The following NFIB variants were observed in gnomAD, a reference collection of about 807,000 sequenced individuals.
NFIB encodes nuclear factor I B, also known as nuclear factor 1 B-type.
In NFIB, 11 loss-of-function variants were observed where a neutral mutation model predicts 61.5. That is an observed-to-expected ratio of 0.18 (90% CI 0.11 to 0.30). The LOEUF (loss-of-function observed/expected upper bound fraction) is 0.30, where lower values mean the gene tolerates loss of function less well. Ranked by LOEUF, NFIB falls within the 10% of genes least tolerant of loss-of-function variation. The probability of loss-of-function intolerance (pLI) is 1.00; values close to 1 mark genes in which losing one functional copy is unlikely to be tolerated. For synonymous variants in NFIB, 260 were observed against 216.5 expected (o/e 1.20, Z -1.76); for missense variants, 471 against 608.9 (o/e 0.77, Z 2.38).
intron 8 of NFIB, among the ~76,000 whole-genome samples, chr9:14,116,561 C>G (rs2038175373): frequency 6.6e-6 from 1 of 152,224 alleles, no homozygotes; most frequent in African/African-American, 2.4e-5. Flanking sequence ...CAAAGCACGT[C>G]ATGGTATAGG....
At chr9:14,125,589 C>T in intron 7 of NFIB, 43 bp downstream of exon 7, 3 of 1,610,226 alleles carry the variant, frequency 1.9e-6, no homozygotes, top group Non-Finnish European at 2.5e-6. Context: ...TTAGGCCCTA[C>T]AGACAAGAAG....
At chr9:14,124,016 C>T (rs1337463422) in intron 7 of NFIB, among the ~76,000 whole-genome samples, 1 of 151,986 alleles carries the variant, frequency 6.6e-6, no homozygotes. Context: ...AGATTAGATG[C>T]CCAGCCAATG....
At position 14,306,793 on chromosome 9, in the gene NFIB, C is replaced by T. The variant is rs557348589; in HGVS notation, c.562+196G>A. Among the ~76,000 whole-genome samples the T allele has an allele frequency of 3.9e-5, 6 of 152,208 alleles. No individual in the cohort carries two copies. In the East Asian group the frequency reaches 7.7e-4, roughly 20 times the overall value. On this transcript the variant is annotated intron_variant, in intron 2 of 10. Coordinates refer to ENST00000380953, the MANE Select transcript of NFIB (RefSeq NM_001190737.2). ...TTAAATATCCAAGCCTATCCAGGTACGAAAGCTCTGTGTCTATTTACATGG... is the reference window on the plus strand; with the variant it reads ...TTAAATATCCAAGCCTATCCAGGTATGAAAGCTCTGTGTCTATTTACATGG...
chr9:14,331,215 G>A (rs1313962688), intron 1 of NFIB, among the ~76,000 whole-genome samples: 1 of 152,120 alleles, frequency 6.6e-6, no homozygotes, highest in African/African-American at 2.4e-5. Context: ...TTAAAGACGA[G>A]GCACTGGAGG....
At chr9:14,480,054 T>G in the NFIB span, among the ~76,000 whole-genome samples, 1 of 151,946 alleles carries the variant, frequency 6.6e-6, no homozygotes, top group Non-Finnish European at 1.5e-5. Flanking sequence ...TTTTGTTTTT[T>G]GTTTTTTTTA....
chr9:14,520,613 G>A, the NFIB span, among the ~76,000 whole-genome samples: 109,104 of 152,084 alleles, frequency 0.72, 39,521 homozygotes, highest in Admixed American at 0.77. Context: ...TCTAAACACA[G>A]GAATCTGAAG....
chr9:14,116,277 G>T lies in NFIB; in HGVS notation c.1315C>A (p.His439Asn). Residue 439 changes from histidine to asparagine, a missense_variant, in exon 9 of 11, where the codon CAT (histidine) becomes AAT (asparagine). Coordinates refer to ENST00000380953, the MANE Select transcript of NFIB (RefSeq NM_001190737.2). ...GTCACAGGTCGCACTGCACTGGGATGGGGAGAGGGTGCCAAGACAGGAGTG... is the reference window on the plus strand; with the variant it reads ...GTCACAGGTCGCACTGCACTGGGATTGGGAGAGGGTGCCAAGACAGGAGTG... ...HFTPVLAPSP[H>N]PSAVRPVTLS... The T allele has an allele frequency of 6.5e-7, 1 of 1,538,196 alleles. No individual in the cohort carries two copies. Among genetic ancestry groups the T allele is most frequent in the African/African-American group, 1.4e-5 (1 of 72,900 alleles).
At chr9:14,354,579 T>C (rs1041494853) in intron 1 of NFIB, among the ~76,000 whole-genome samples, 1 of 152,164 alleles carries the variant, frequency 6.6e-6, no homozygotes, top group African/African-American at 2.4e-5. Flanking sequence ...TGGGTTTCCA[T>C]TGAAATTTAG....
At chr9:14,173,325 C>A (rs1393562298) in intron 3 of NFIB, among the ~76,000 whole-genome samples, 5 of 152,136 alleles carry the variant, frequency 3.3e-5, no homozygotes, top group Non-Finnish European at 7.4e-5. Context: ...CTCCACCATG[C>A]CACCTACAAT....
chr9:14,146,643 C>T (rs1193793700), intron 6 of NFIB, 46 bp downstream of exon 6: 1 of 1,611,860 alleles, frequency 6.2e-7, no homozygotes, highest in Non-Finnish European at 8.5e-7. Flanking sequence ...AAGAAACGAG[C>T]CAACATTTTA....
chr9:14,140,814 G>C (rs1031238288), intron 6 of NFIB, among the ~76,000 whole-genome samples: 2 of 152,054 alleles, frequency 1.3e-5, no homozygotes, highest in Admixed American at 1.3e-4. Flanking sequence ...AGTGCCTGTA[G>C]TCCCAGCTAC....
intron 10 of NFIB, 62 bp from the exon 11 acceptor site, chr9:14,088,388 C>G (rs1256479933): frequency 3.6e-6 from 5 of 1,394,164 alleles, no homozygotes; most frequent in Non-Finnish European, 4.7e-6. Flanking sequence ...ATGTTAAAAT[C>G]TACAACAATA....
intron 10 of NFIB, among the ~76,000 whole-genome samples, chr9:14,098,421 G>A (rs1743544): frequency 0.4 from 60,833 of 151,998 alleles, 14,308 homozygotes; most frequent in African/African-American, 0.66. Context: ...GCTTATGTTT[G>A]TATTATTCTT....
At chr9:14,215,412 T>A (rs1286848487) in intron 2 of NFIB, among the ~76,000 whole-genome samples, 1 of 151,444 alleles carries the variant, frequency 6.6e-6, no homozygotes, top group Non-Finnish European at 1.5e-5. Context: ...AAAAGTTAAC[T>A]AATAAATAAG....
chr9:14,306,020 T>C (rs1007906378), intron 2 of NFIB: 4 of 1,114,146 alleles, frequency 3.6e-6, no homozygotes, highest in Non-Finnish European at 5.0e-6. Context: ...AATTCTTACC[T>C]ACTTAAGGAA....
chr9:14,432,670 G>C, the NFIB span, among the ~76,000 whole-genome samples: 1 of 152,224 alleles, frequency 6.6e-6, no homozygotes, highest in Non-Finnish European at 1.5e-5. Context: ...AGAAGGGAAA[G>C]CACAATTTGT....
chr9:14,308,857 G>C (rs2060150666), intron 1 of NFIB, among the ~76,000 whole-genome samples: 1 of 152,178 alleles, frequency 6.6e-6, no homozygotes, highest in African/African-American at 2.4e-5. Flanking sequence ...TTTACCTACA[G>C]ATATTTCAAG....
chr9:14,383,771 G>A (rs1378768039), intron 1 of NFIB, among the ~76,000 whole-genome samples: 1 of 152,212 alleles, frequency 6.6e-6, no homozygotes, highest in African/African-American at 2.4e-5. Flanking sequence ...CTCTTCTCTG[G>A]CCACCTTGTG....
chr9:14,108,339 C>T (rs2036865780), intron 10 of NFIB, among the ~76,000 whole-genome samples: 1 of 151,932 alleles, frequency 6.6e-6, no homozygotes, highest in Non-Finnish European at 1.5e-5. Context: ...AATGGTAGTA[C>T]CAAGCTTTGG....
Sources: gnomAD v4.1 joint callset for allele counts (sites outside exome capture counted in the v4.1 genomes callset) on GRCh38, gnomAD v4.1.1 for gene constraint, MANE v1.5 for transcripts, NCBI Gene and HGNC (gene_info 2026-07-23, HGNC 2026-07-21) for gene names.